The following CDC27 variants were observed in gnomAD, a reference collection of about 807,000 sequenced individuals.
The protein encoded by CDC27 is cell division cycle protein 27 homolog.
In CDC27, 27 loss-of-function variants were observed where a neutral mutation model predicts 109.7. The ratio of observed to expected loss-of-function variants is 0.25; its 90% CI spans 0.18 to 0.34. The LOEUF (loss-of-function observed/expected upper bound fraction) is 0.34, where lower values mean the gene tolerates loss of function less well. CDC27 is among the 10% of genes least tolerant of loss of function. CDC27 has a pLI of 1.00. For synonymous variants in CDC27, 266 were observed against 333.9 expected, an observed-to-expected ratio of 0.80 and a Z score of 2.22; for missense variants, 579 against 960.2, an observed-to-expected ratio of 0.60 and a Z score of 5.25.
At chr17:47,186,315 T>TC (rs1224415471) in intron 1 of CDC27, among the ~76,000 whole-genome samples, 3 of 152,194 alleles carry the variant, frequency 2.0e-5, no homozygotes, top group Non-Finnish European at 2.9e-5. Context: ...GAACATTTTA[T>TC]CCCCAGCCAA....
chr17:47,167,664 G>A (rs1598552009), intron 4 of CDC27, among the ~76,000 whole-genome samples: 1 of 152,266 alleles, frequency 6.6e-6, no homozygotes, highest in African/African-American at 2.4e-5. Context: ...TCTCTTAACA[G>A]TAACAATCAT....
intron 4 of CDC27, chr17:47,159,504 A>G: frequency 1.9e-6 from 1 of 533,064 alleles, no homozygotes; most frequent in Non-Finnish European, 3.3e-6. Flanking sequence ...ACCAGCACAG[A>G]GCCGCAGTGG....
intron 2 of CDC27, among the ~76,000 whole-genome samples, chr17:47,177,201 G>A (rs1001991705): frequency 5.3e-5 from 8 of 152,078 alleles, no homozygotes; most frequent in African/African-American, 1.4e-4. Flanking sequence ...TGGGAGGATC[G>A]CTTGAGCCCA....
chr17:47,138,791 G>T lies in CDC27; in HGVS notation c.1652C>A (p.Ala551Asp). The T allele has an allele frequency of 6.2e-7, 1 of 1,611,416 alleles. No homozygotes were observed. The highest frequency in any genetic ancestry group is 8.5e-7 in the Non-Finnish European group (1 of 1,178,970). Residue 551 changes from alanine to aspartate, a missense_variant, in exon 13 of 19, where the codon GCT (alanine) becomes GAT (aspartate). Coordinates refer to ENST00000066544, the MANE Select transcript of CDC27 (RefSeq NM_001256.6). ...TAAGTCTTTTGACAGAACTGAAAGA[G>T]CAACATCTTTTTGAAGATGCCAAAG... The part of the protein sequence containing the change: ...TTLWHLQKDV[A>D]LSVLSKDLTD...
At chr17:47,147,823 C>G (rs999873918) in intron 9 of CDC27, among the ~76,000 whole-genome samples, 2 of 151,046 alleles carry the variant, frequency 1.3e-5, no homozygotes, top group African/African-American at 4.9e-5. Context: ...ATCGCTTGAG[C>G]CAAGGAGTTT....
intron 4 of CDC27, among the ~76,000 whole-genome samples, chr17:47,163,332 C>T (rs2063550560): frequency 6.6e-6 from 1 of 152,166 alleles, no homozygotes; most frequent in Non-Finnish European, 1.5e-5. Flanking sequence ...TATATAATGG[C>T]TAAAATGAAA....
chr17:47,142,078 C>T (rs927886329), intron 11 of CDC27, 53 bp from the exon 12 acceptor site: 59 of 1,356,616 alleles, frequency 4.3e-5, no homozygotes, highest in Middle Eastern at 1.9e-4. Context: ...AACTAGTCTG[C>T]TTCTCTAGAA....
At chr17:47,154,815 A>C (rs767537719) in intron 7 of CDC27, 29 bp from the exon 8 acceptor site, 5 of 1,097,156 alleles carry the variant, frequency 4.6e-6, no homozygotes, top group Non-Finnish European at 7.0e-6. Flanking sequence ...CAAGGTGTCA[A>C]AAAGTCATCA....
intron 16 of CDC27, among the ~76,000 whole-genome samples, chr17:47,128,276 C>A (rs1001791218): frequency 2.0e-5 from 3 of 152,260 alleles, no homozygotes; most frequent in East Asian, 3.9e-4. Flanking sequence ...AGTGATTTGC[C>A]CACCTTGGCC....
chr17:47,183,090 T>C (rs2064305362), intron 1 of CDC27, among the ~76,000 whole-genome samples: 1 of 152,244 alleles, frequency 6.6e-6, no homozygotes, highest in Non-Finnish European at 1.5e-5. Flanking sequence ...TTGTTGAATA[T>C]GCATATGTTC....
chr17:47,139,832 C>T (rs990939061), intron 12 of CDC27: 1 of 152,142 alleles, frequency 6.6e-6, no homozygotes, highest in African/African-American at 2.4e-5. Flanking sequence ...TCAGCTGCCT[C>T]ATCAATTTTT....
chr17:47,128,881 C>G (rs1178709841), intron 16 of CDC27, among the ~76,000 whole-genome samples: 1 of 151,726 alleles, frequency 6.6e-6, no homozygotes, highest in Admixed American at 6.6e-5. Context: ...AGTGATTCTC[C>G]TGCCTCAGCC....
At chr17:47,156,671 C>T (rs1449084817) in intron 7 of CDC27, 2 of 280,304 alleles carry the variant, frequency 7.1e-6, no homozygotes, top group Non-Finnish European at 6.6e-6. Flanking sequence ...TGTTCTTGAA[C>T]TCCTGACCTC....
In CDC27 at chr17:47,119,147, C is replaced by T. The variant is rs2061933493; in HGVS notation, c.*1788G>A. On this transcript the variant is annotated 3_prime_UTR_variant, in exon 19 of 19. Coordinates refer to ENST00000066544, the MANE Select transcript of CDC27 (RefSeq NM_001256.6). ...GAATCTAAAATTAAATATTACAGAA[C>T]TAATGGATAATACAATAGCATACGT... is the stretch of plus-strand genomic sequence containing the variant. 1 of 152,136 alleles carries T rather than the reference C, an allele frequency of 6.6e-6. No individual in the cohort carries two copies. The highest frequency in any genetic ancestry group is 2.4e-5 in the African/African-American group (1 of 41,440). The allele number at this position is 152,136 out of a possible 1,614,324, so 9.4% of individuals were successfully genotyped here. A position where few individuals can be genotyped will look rare whatever the true frequency, so the allele number is the denominator to read the frequency against.
intron 18 of CDC27, among the ~76,000 whole-genome samples, chr17:47,122,027 TGCGACTGGCCCCATG>T (rs1285379550): frequency 6.6e-6 from 1 of 152,136 alleles, no homozygotes; most frequent in African/African-American, 2.4e-5. Flanking sequence ...CCTGAGCCAC[TGCGACTGGCCCCATG>T]GCTTATAATT....
intron 14 of CDC27, among the ~76,000 whole-genome samples, chr17:47,136,584 T>C (rs2062602690): frequency 6.6e-6 from 1 of 152,190 alleles, no homozygotes; most frequent in South Asian, 2.1e-4. Context: ...TCATATCTTA[T>C]TCAGTTGATA....
At chr17:47,143,431 C>T (rs1266572738) in intron 10 of CDC27, among the ~76,000 whole-genome samples, 1 of 152,068 alleles carries the variant, frequency 6.6e-6, no homozygotes, top group Non-Finnish European at 1.5e-5. Context: ...TTTATATAAA[C>T]CCGTGTGTGT....
chr17:47,159,461 G>A (rs2063423064), intron 4 of CDC27: 9 of 631,216 alleles, frequency 1.4e-5, no homozygotes, highest in Non-Finnish European at 2.1e-5. Flanking sequence ...GTGCCAAGAC[G>A]ATGCCCGTGC....
At chr17:47,168,983 CT>C (rs558815409) in intron 4 of CDC27, among the ~76,000 whole-genome samples, 50 of 139,292 alleles carry the variant, frequency 3.6e-4, no homozygotes, top group African/African-American at 7.1e-4. Flanking sequence ...TGTTCTTTTT[CT>C]TTTTTTTTTT....
Sources: allele counts gnomAD v4.1 joint callset (sites outside exome capture counted in the v4.1 genomes callset), GRCh38; gene constraint gnomAD v4.1.1; transcripts MANE v1.5; gene names NCBI Gene and HGNC (gene_info 2026-07-23, HGNC 2026-07-21).